C4orf51: variants seen among roughly 807,000 people sequenced by gnomAD.
C4orf51 encodes chromosome 4 open reading frame 51.
C4orf51 carries 25 observed loss-of-function variants against 25.2 expected under a neutral mutation model. The ratio of observed to expected loss-of-function variants is 0.99; its 90% CI spans 0.72 to 1.39. The LOEUF (loss-of-function observed/expected upper bound fraction) is 1.39. C4orf51 is among the 40% of genes most tolerant of loss of function. The pLI is 0.00. For synonymous variants in C4orf51, 100 were observed against 84.5 expected (o/e 1.18, Z -1.01); for missense variants, 252 against 239.6 (o/e 1.05, Z -0.34).
rs1553975846 is a variant in C4orf51, at chr4:145,768,890, AAT to A, written n.167-2073_167-2072del. Among the ~76,000 whole-genome samples the A allele has an allele frequency of 2.3e-3, 18 of 7,722 alleles. 1 individual carries two copies. Among genetic ancestry groups the A allele is most frequent in the Non-Finnish European group, 4.4e-3 (14 of 3,168 alleles). 5.1% of individuals were successfully genotyped at this position (7,722 alleles called of 152,430 possible). On this transcript the variant is annotated intron_variant and non_coding_transcript_variant, in intron 1 of 1. Transcript: ENST00000510096. ...AAAAAAAAAAAAAAAAAAAAAAAAA[AAT>A]ATATATATATATATATATATATATT...
At chr4:145,749,825 G>A (rs563232833) in intron 1 of C4orf51, among the ~76,000 whole-genome samples, 1 of 151,794 alleles carries the variant, frequency 6.6e-6, no homozygotes, top group African/African-American at 2.4e-5. Context: ...TAGTAGAGAC[G>A]GGGTTTCACT....
intron 2 of C4orf51, among the ~76,000 whole-genome samples, chr4:145,722,910 G>A (rs1177314680): frequency 6.6e-6 from 1 of 152,134 alleles, no homozygotes; most frequent in Non-Finnish European, 1.5e-5. Flanking sequence ...AGAATCTAAT[G>A]CCTGATGATC....
chr4:145,729,861 C>A (rs1339500829), intron 4 of C4orf51, 31 bp from the exon 5 acceptor site: 5 of 1,579,980 alleles, frequency 3.2e-6, no homozygotes, highest in Non-Finnish European at 2.6e-6. Flanking sequence ...TTATCGCAAA[C>A]ACTCACACAT....
intron 4 of C4orf51, 43 bp from the exon 5 acceptor site, chr4:145,729,849 C>G (rs1419647238): frequency 1.1e-5 from 17 of 1,537,286 alleles, no homozygotes; most frequent in Middle Eastern, 1.7e-4. Flanking sequence ...GGTAGACTCT[C>G]TTTATCGCAA....
At chr4:145,775,487 C>T (rs1044456089), downstream of C4orf51, among the ~76,000 whole-genome samples, 14 of 151,756 alleles carry the variant, frequency 9.2e-5, no homozygotes, top group African/African-American at 2.7e-4. Flanking sequence ...AAGGTTGGAG[C>T]TTCTGAGCTG....
At chr4:145,779,537 G>A in the C4orf51 span, 1 of 1,608,646 alleles carries the variant, frequency 6.2e-7, no homozygotes, top group East Asian at 2.2e-5. Flanking sequence ...AAAGCATCAT[G>A]AGAAATAAGG....
intron 2 of C4orf51, among the ~76,000 whole-genome samples, chr4:145,709,956 C>T (rs6835191): frequency 0.074 from 11,293 of 152,062 alleles, 513 homozygotes; most frequent in Middle Eastern, 0.14. Flanking sequence ...GTAAAAGGGG[C>T]GAATAAACCA....
chr4:145,748,819 T>G (rs1332703510), intron 1 of C4orf51, among the ~76,000 whole-genome samples: 1 of 152,104 alleles, frequency 6.6e-6, no homozygotes, highest in Non-Finnish European at 1.5e-5. Context: ...ATTCATGTAC[T>G]GAGGAGAAGA....
intron 2 of C4orf51, among the ~76,000 whole-genome samples, chr4:145,699,792 C>G (rs1416739819): frequency 1.3e-5 from 2 of 151,808 alleles, no homozygotes; most frequent in South Asian, 4.2e-4. Context: ...TCTACCCCTT[C>G]TCTGCTTTTG....
chr4:145,740,757 G>T (rs1394610949), intron 1 of C4orf51, among the ~76,000 whole-genome samples: 1 of 152,176 alleles, frequency 6.6e-6, no homozygotes, highest in African/African-American at 2.4e-5. Context: ...TCAAAGTGTG[G>T]TCTGCAAGGC....
chr4:145,738,281 C>T (rs1446483727), intron 1 of C4orf51, among the ~76,000 whole-genome samples: 1 of 152,062 alleles, frequency 6.6e-6, no homozygotes, highest in Non-Finnish European at 1.5e-5. Flanking sequence ...GAAACCCCGT[C>T]TCTACTAAAA....
chr4:145,694,146 TCC>T (rs1729855155), intron 1 of C4orf51, among the ~76,000 whole-genome samples: 2 of 21,682 alleles, frequency 9.2e-5, no homozygotes, highest in African/African-American at 8.5e-4. Context: ...TCAGACGATC[TCC>T]TCCTCACATC....
In C4orf51 at chr4:145,732,654, C is replaced by T; in HGVS notation, c.*94C>T. ...CCTCCCAACACCCTCCCCCCACCCG[C>T]CCCGCCCAGGAACGTCTGGACCCTG... On this transcript the variant is annotated 3_prime_UTR_variant, in exon 6 of 6. Coordinates refer to ENST00000438731, the MANE Select transcript of C4orf51 (RefSeq NM_001080531.3). The T allele has an allele frequency of 1.3e-6, 1 of 763,734 alleles. No homozygotes were observed. The highest frequency in any genetic ancestry group is 1.9e-5 in the South Asian group (1 of 52,174). 47.3% of individuals were successfully genotyped at this position (763,734 alleles called of 1,614,324 possible).
chr4:145,698,749 A>T (rs1236108523), intron 2 of C4orf51, among the ~76,000 whole-genome samples: 1 of 152,118 alleles, frequency 6.6e-6, no homozygotes, highest in Non-Finnish European at 1.5e-5. Context: ...GGGAAGCTCC[A>T]CCAGTCAGTT....
At chr4:145,774,481 G>A (rs1459643513), downstream of C4orf51, 2 of 1,599,602 alleles carry the variant, frequency 1.3e-6, no homozygotes. Context: ...GAAGGAGTGT[G>A]AGAAGGACAG....
chr4:145,722,609 T>C (rs1358286312), intron 2 of C4orf51, among the ~76,000 whole-genome samples: 3 of 152,364 alleles, frequency 2.0e-5, no homozygotes, highest in East Asian at 1.9e-4. Context: ...TGATACCTTA[T>C]ATTTTTGAGA....
intron 2 of C4orf51, among the ~76,000 whole-genome samples, chr4:145,708,363 TG>T (rs780378577): frequency 6.6e-6 from 1 of 152,200 alleles, no homozygotes; most frequent in Non-Finnish European, 1.5e-5. Context: ...TTTTAAGGTT[TG>T]GGGAGATCTT....
At chr4:145,774,812 A>G (rs1736805472), downstream of C4orf51, 1 of 1,002,726 alleles carries the variant, frequency 1.0e-6, no homozygotes, top group Non-Finnish European at 1.4e-6. Context: ...AAGGTTTTGC[A>G]TTAGAAAATT....
chr4:145,742,024 A>G (rs1209785004), intron 1 of C4orf51, among the ~76,000 whole-genome samples: 4 of 152,156 alleles, frequency 2.6e-5, no homozygotes, highest in African/African-American at 9.7e-5. Context: ...TTCTTTCAGT[A>G]CTAAACTCAA....
Sources: gnomAD v4.1 joint callset for allele counts (sites outside exome capture counted in the v4.1 genomes callset) on GRCh38, gnomAD v4.1.1 for gene constraint, MANE v1.5 for transcripts, NCBI Gene and HGNC (gene_info 2026-07-23, HGNC 2026-07-21) for gene names.